PCDHGA9: variants seen among roughly 807,000 people sequenced by gnomAD.
The protein encoded by PCDHGA9 is protocadherin gamma subfamily A, 9, also known as protocadherin gamma-A9.
A neutral mutation model predicts 62.5 loss-of-function variants in PCDHGA9; 37 were observed. That is an observed-to-expected ratio of 0.59 (90% confidence interval 0.46 to 0.78). PCDHGA9 has a LOEUF of 0.78. PCDHGA9 is among the 30% of genes least tolerant of loss of function. The pLI is 0.00. For missense variants in PCDHGA9, 1,138 were observed against 1,166.2 expected (o/e 0.98, Z 0.35); for synonymous variants, 459 against 484.6 (o/e 0.95, Z 0.69).
chr5:141,425,127 A>G (rs1353123394), intron 1 of PCDHGA9, among the ~76,000 whole-genome samples: 2 of 152,208 alleles, frequency 1.3e-5, no homozygotes, highest in Non-Finnish European at 2.9e-5. Flanking sequence ...CTTGAAGTCA[A>G]GAAAAATGTT....
chr5:141,415,007 G>A (rs369009151), intron 1 of PCDHGA9: 1 of 1,613,654 alleles, frequency 6.2e-7, no homozygotes, highest in South Asian at 1.1e-5. Flanking sequence ...CTGTCCTACC[G>A]TCTGCTCAAG....
chr5:141,433,234 C>T (rs773942024), intron 1 of PCDHGA9: 3 of 1,512,746 alleles, frequency 2.0e-6, no homozygotes, highest in Middle Eastern at 1.8e-4. Flanking sequence ...TGCTCTGTCT[C>T]CCAAGCTGGA....
intron 1 of PCDHGA9, chr5:141,478,675 G>A (rs1264846161): frequency 6.4e-7 from 1 of 1,551,574 alleles, no homozygotes; most frequent in South Asian, 1.2e-5. Context: ...ACTTTCAACT[G>A]GCCCTTCCTA....
chr5:141,431,502 G>A lies in PCDHGA9; in HGVS notation c.2424+26126G>A, dbSNP rs749812839. ...CCAGCGTTTGCTCAGCCCGAGTACC[G>A]CGCGAGCGTTCCGGAGAATCTGGCC... On this transcript the variant is annotated intron_variant, in intron 1 of 3. Coordinates refer to ENST00000573521, the MANE Select transcript of PCDHGA9 (RefSeq NM_018921.3). This position sits in a 1 kb window ranked among gnomAD's most constrained non-coding sequence, Gnocchi z 4.8. 6 of 1,614,008 alleles carry A rather than the reference G, an allele frequency of 3.7e-6. No homozygotes were observed. In the East Asian group the frequency reaches 6.7e-5, roughly 18 times the overall value.
At chr5:141,451,302 G>A (rs1445994098) in intron 1 of PCDHGA9, among the ~76,000 whole-genome samples, 1 of 152,208 alleles carries the variant, frequency 6.6e-6, no homozygotes, top group Non-Finnish European at 1.5e-5. Context: ...GTCTTACAAG[G>A]CAGCAATTAA....
intron 3 of PCDHGA9, among the ~76,000 whole-genome samples, chr5:141,505,926 G>A (rs114056147): frequency 0.012 from 1,893 of 152,254 alleles, 12 homozygotes; most frequent in Middle Eastern, 0.034. Context: ...TGGGCCTGGC[G>A]CTTGGAAGCC....
At chr5:141,426,586 G>A (rs2096944939) in intron 1 of PCDHGA9, 1 of 363,442 alleles carries the variant, frequency 2.8e-6, no homozygotes, top group African/African-American at 2.1e-5. Flanking sequence ...AAAATCCTCT[G>A]TGTCATACCC....
In PCDHGA9 at chr5:141,404,260, T is replaced by G; in HGVS notation, c.1308T>G (p.Ile436Met). 1 of 1,613,910 alleles carries G rather than the reference T, an allele frequency of 6.2e-7. No individual in the cohort carries two copies. Among genetic ancestry groups the G allele is most frequent in the Non-Finnish European group, 8.5e-7 (1 of 1,179,876 alleles). ...DRGTPPLSTE[I>M]HITLQVTDIN... ...GAACTCCGCCCCTGTCCACAGAAATTCACATCACCCTGCAAGTGACTGACA... is the reference window on the plus strand; with the variant it reads ...GAACTCCGCCCCTGTCCACAGAAATGCACATCACCCTGCAAGTGACTGACA... The change falls in exon 1 of 4, where the codon ATT (isoleucine) becomes ATG (methionine). Residue 436 changes from isoleucine to methionine, a missense_variant. Ile to Met is a conservative substitution (Grantham distance 10). Transcript: ENST00000573521.
rs772807357 is a variant in PCDHGA9, at chr5:141,431,758, C to G, written c.2424+26382C>G. On this transcript the variant is annotated intron_variant, in intron 1 of 3. Transcript: ENST00000573521. This position sits in a 1 kb window ranked among gnomAD's most constrained non-coding sequence, Gnocchi z 4.8. ...CAGGATATTCTGCGCGAGCCAAAGTCCTGATCACTGTTCTGGACGTGAACG... is the reference window on the plus strand; with the variant it reads ...CAGGATATTCTGCGCGAGCCAAAGTGCTGATCACTGTTCTGGACGTGAACG... 2.0e-5 allele frequency: 32 copies of G among 1,614,054 alleles called. No individual in the cohort carries two copies. The highest frequency in any genetic ancestry group is 2.6e-5 in the Non-Finnish European group (31 of 1,180,028).
Position 141,487,500 on chromosome 5 carries a change from C to G in PCDHGA9, c.2425-7307C>G. 6.2e-7 allele frequency: 1 copy of G among 1,614,178 alleles called. No individual in the cohort carries two copies. Among genetic ancestry groups the G allele is most frequent in the East Asian group, 2.2e-5 (1 of 44,862 alleles). Reference sequence around the variant, plus strand: ...CACTCTCATGGCTGTACACCCTTGGCTTCTGCACCCACTCGGAGTGATAGC... The same window carrying G: ...CACTCTCATGGCTGTACACCCTTGGGTTCTGCACCCACTCGGAGTGATAGC... On this transcript the variant is annotated intron_variant, in intron 1 of 3. Coordinates refer to ENST00000573521, the MANE Select transcript of PCDHGA9 (RefSeq NM_018921.3). The surrounding 1 kb of genome is among the most constrained non-coding windows in gnomAD (Gnocchi z 5.0).
At chr5:141,411,423 CA>C (rs200531177) in intron 1 of PCDHGA9, 3 of 147,666 alleles carry the variant, frequency 2.0e-5, no homozygotes, top group Admixed American at 6.8e-5. Context: ...ACAACAACAA[CA>C]AAAAAAAACA....
chr5:141,421,348 G>C lies in PCDHGA9; in HGVS notation c.2424+15972G>C, dbSNP rs202220769. On this transcript the variant is annotated intron_variant, in intron 1 of 3. Coordinates refer to ENST00000573521, the MANE Select transcript of PCDHGA9 (RefSeq NM_018921.3). ...CCGATATTCGGTGCCAGAAGAGACC[G>C]AAAAGGGCTCCTTCGTGGGCAATAT... 9.1e-5 allele frequency: 147 copies of C among 1,613,862 alleles called. No individual in the cohort carries two copies. Among genetic ancestry groups the C allele is most frequent in the Non-Finnish European group, 1.1e-4 (125 of 1,179,904 alleles).
chr5:141,436,921 C>T lies in PCDHGA9; in HGVS notation c.2424+31545C>T, dbSNP rs73794904. Among the ~76,000 whole-genome samples the T allele has an allele frequency of 9.3e-3, 1,413 of 152,246 alleles. 25 individuals carry two copies. The highest frequency in any genetic ancestry group is 0.032 in the African/African-American group (1,313 of 41,572). On this transcript the variant is annotated intron_variant, in intron 1 of 3. Coordinates refer to ENST00000573521, the MANE Select transcript of PCDHGA9 (RefSeq NM_018921.3). ...ATATGAGACAATTTTGTGAGTGTTA[C>T]TTTTTCTTTGTCTGAACCATAGTGA...
At position 141,487,741 on chromosome 5, in the gene PCDHGA9, A is replaced by C. The variant is rs773413559; in HGVS notation, c.2425-7066A>C. 1.6e-4 allele frequency: 247 copies of C among 1,561,638 alleles called. 1 individual carries two copies. The highest frequency in any genetic ancestry group is 2.1e-4 in the Non-Finnish European group (244 of 1,151,698). On this transcript the variant is annotated intron_variant, in intron 1 of 3. Coordinates refer to ENST00000573521, the MANE Select transcript of PCDHGA9 (RefSeq NM_018921.3). This position sits in a 1 kb window ranked among gnomAD's most constrained non-coding sequence, Gnocchi z 5.0. ...ATAGTGATGTCACCATTTTTGTAAG[A>C]GGTAACTATGTGGTAGACGCTGTGC... is the stretch of plus-strand genomic sequence containing the variant.
At chr5:141,461,989 A>G (rs2099028358) in intron 1 of PCDHGA9, among the ~76,000 whole-genome samples, 1 of 152,074 alleles carries the variant, frequency 6.6e-6, no homozygotes, top group African/African-American at 2.4e-5. Flanking sequence ...ACGCCAGGCT[A>G]ATTTTGTATT....
At chr5:141,442,202 G>A (rs1033563159) in intron 1 of PCDHGA9, 2 of 153,258 alleles carry the variant, frequency 1.3e-5, no homozygotes, top group African/African-American at 4.8e-5. Context: ...TTTATATCTG[G>A]TGATTGCCTT....
At chr5:141,464,009 T>C (rs1187492781) in intron 1 of PCDHGA9, among the ~76,000 whole-genome samples, 1 of 151,950 alleles carries the variant, frequency 6.6e-6, no homozygotes. Context: ...CTCATGCTTG[T>C]AATCCCACAC....
chr5:141,423,253 C>G (rs750278899), intron 1 of PCDHGA9: 1 of 1,613,916 alleles, frequency 6.2e-7, no homozygotes, highest in Admixed American at 1.7e-5. Flanking sequence ...CCTGGCGGAC[C>G]TCGGCAGCCT....
chr5:141,425,812 G>GA (rs574320012), intron 1 of PCDHGA9, among the ~76,000 whole-genome samples: 9 of 152,054 alleles, frequency 5.9e-5, no homozygotes, highest in South Asian at 4.1e-4. Flanking sequence ...CTTCTGCTTA[G>GA]AAAAAAACAA....
Sources: gnomAD v4.1 joint callset for allele counts (sites outside exome capture counted in the v4.1 genomes callset) on GRCh38, gnomAD v4.1.1 for gene constraint, Gnocchi (gnomAD v3.1) non-coding constraint, MANE v1.5 for transcripts, NCBI Gene and HGNC (gene_info 2026-07-23, HGNC 2026-07-21) for gene names.